Variants in ITSN2 observed in about 807,000 individuals in gnomAD.
ITSN2 encodes intersectin-2.
ITSN2 carries 156 observed loss-of-function variants against 243.7 expected under a neutral mutation model. That is an observed-to-expected ratio of 0.64 (90% CI 0.56 to 0.73). The LOEUF is 0.73. ITSN2 is among the 30% of genes least tolerant of loss of function. The pLI, the probability that ITSN2 is intolerant of heterozygous loss-of-function variation, is 0.00. For missense variants in ITSN2, 1,801 were observed against 1,996.1 expected (o/e 0.90, Z 1.86); for synonymous variants, 703 against 699.9 (o/e 1.00, Z -0.07).
In ITSN2 at chr2:24,220,858, C is replaced by T. The variant is rs200768931; in HGVS notation, c.3699+87G>A. ...AAAGTGATGCCTTGCTTTGACTCTG[C>T]GTGGAGGCAGCCCTGAGTCTGATGC... is the stretch of plus-strand genomic sequence containing the variant. On this transcript the variant is annotated intron_variant, in intron 30 of 39. Transcript: ENST00000355123. The T allele has an allele frequency of 3.5e-4, 514 of 1,488,256 alleles. 7 individuals carry two copies. In the South Asian group the frequency reaches 6.5e-3, roughly 19 times the overall value. 92.2% of individuals were successfully genotyped at this position (1,488,256 alleles called of 1,614,324 possible).
In ITSN2 at chr2:24,212,732, G is replaced by T; in HGVS notation, c.4007C>A (p.Pro1336Gln). 6.8e-6 allele frequency: 11 copies of T among 1,614,108 alleles called. No homozygotes were observed. Among genetic ancestry groups the T allele is most frequent in the Non-Finnish European group, 8.5e-6 (10 of 1,179,972 alleles). Reference sequence around the variant, plus strand: ...GGAGAGGGGCATTCCTTTACACCGCGGGTCAGATGCCAGCTTCTGCAAAAC... The same window carrying T: ...GGAGAGGGGCATTCCTTTACACCGCTGGTCAGATGCCAGCTTCTGCAAAAC... ...KEFLKKLASD[P>Q]RCKGMPLSSF... The change falls in exon 33 of 40, where the codon CCG becomes CAG. Residue 1336 changes from proline (P) to glutamine (Q), a missense_variant. By Grantham distance (76) the Pro-to-Gln change is moderately conservative. Around this residue, in one of 5 missense-constraint regions of ITSN2, gnomAD observed 928 missense variants for 1,065.4 expected, o/e 0.87. Transcript: ENST00000355123.
At chr2:24,280,363 C>T (rs922452116) in intron 17 of ITSN2, among the ~76,000 whole-genome samples, 3 of 152,100 alleles carry the variant, frequency 2.0e-5, no homozygotes, top group Non-Finnish European at 4.4e-5. Flanking sequence ...CCTTTCTTCT[C>T]ATTCCTTATC....
chr2:24,350,283 T>C (rs190737452), intron 1 of ITSN2, among the ~76,000 whole-genome samples: 2 of 152,230 alleles, frequency 1.3e-5, no homozygotes, highest in African/African-American at 2.4e-5. Flanking sequence ...AGCCAATAAT[T>C]TTCAACAATT....
chr2:24,269,118 C>T lies in ITSN2; in HGVS notation c.2355+1553G>A, dbSNP rs534546002. On this transcript the variant is annotated intron_variant, in intron 20 of 39. Transcript: ENST00000355123. ...TAAGGCTCCACTTCCTCTAATAATTCCTTCAGTGTCCATGTTTCTCAGGAA... is the reference window on the plus strand; with the variant it reads ...TAAGGCTCCACTTCCTCTAATAATTTCTTCAGTGTCCATGTTTCTCAGGAA... Among the ~76,000 whole-genome samples, 6 of 151,506 alleles carry T rather than the reference C, an allele frequency of 4.0e-5. No individual in the cohort carries two copies. The South Asian group carries it at 8.3e-4, about 21-fold the overall frequency.
intron 19 of ITSN2, among the ~76,000 whole-genome samples, chr2:24,271,207 C>T (rs976852080): frequency 6.6e-5 from 10 of 152,228 alleles, no homozygotes; most frequent in African/African-American, 2.4e-4. Flanking sequence ...AAAATCTATA[C>T]ATCTATCAGA....
Position 24,252,172 on chromosome 2 carries a change from G to A in ITSN2, c.3120+173C>T, listed in dbSNP as rs147875537. Among the ~76,000 whole-genome samples the A allele has an allele frequency of 1.7e-3, 258 of 152,148 alleles. 3 individuals carry two copies. Among genetic ancestry groups the A allele is most frequent in the African/African-American group, 4.5e-3 (187 of 41,498 alleles). Reference sequence around the variant, plus strand: ...GCCATATAATAAACCCTATTTTACCGGAGCTACTGTGAACAGTTTCTTTGT... The same window carrying A: ...GCCATATAATAAACCCTATTTTACCAGAGCTACTGTGAACAGTTTCTTTGT... On this transcript the variant is annotated intron_variant, in intron 25 of 39. Transcript: ENST00000355123.
intron 29 of ITSN2, among the ~76,000 whole-genome samples, chr2:24,234,175 T>G (rs966592382): frequency 3.3e-5 from 5 of 151,222 alleles, no homozygotes; most frequent in Admixed American, 2.0e-4. Context: ...TAGACCCATA[T>G]AAATAGAGTC....
chr2:24,321,260 C>T (rs1018762181), intron 2 of ITSN2, among the ~76,000 whole-genome samples: 4 of 152,170 alleles, frequency 2.6e-5, no homozygotes, highest in African/African-American at 9.7e-5. Flanking sequence ...ACCATCTATA[C>T]TTCTGACTAC....
At chr2:24,218,220 A>G (rs1670147208) in intron 30 of ITSN2, among the ~76,000 whole-genome samples, 1 of 152,238 alleles carries the variant, frequency 6.6e-6, no homozygotes, top group African/African-American at 2.4e-5. Flanking sequence ...AGCTCTTATC[A>G]AGGCTAGTTC....
intron 19 of ITSN2, 115 bp downstream of exon 19, chr2:24,271,651 T>C: frequency 1.5e-6 from 2 of 1,326,668 alleles, no homozygotes; most frequent in Non-Finnish European, 9.8e-7. Context: ...TAAAAAGGTT[T>C]TTTCTGACTC....
chr2:24,359,118 TGTCA>T (rs779590774), intron 1 of ITSN2, among the ~76,000 whole-genome samples: 9 of 152,220 alleles, frequency 5.9e-5, no homozygotes, highest in Non-Finnish European at 1.3e-4. Flanking sequence ...ACATCAGAGT[TGTCA>T]GTATCTTTAA....
intron 1 of ITSN2, among the ~76,000 whole-genome samples, chr2:24,357,481 G>A (rs993290201): frequency 6.6e-5 from 10 of 152,104 alleles, no homozygotes; most frequent in Non-Finnish European, 1.5e-4. Flanking sequence ...TTGTGGGGGG[G>A]CAATGAGGGA....
chr2:24,214,904 C>CA (rs918666177), intron 32 of ITSN2, among the ~76,000 whole-genome samples: 6 of 151,736 alleles, frequency 4.0e-5, no homozygotes, highest in African/African-American at 1.5e-4. Flanking sequence ...ATTTCATGAA[C>CA]AAAAAAACCC....
intron 1 of ITSN2, among the ~76,000 whole-genome samples, chr2:24,359,455 AT>A (rs1688748039): frequency 6.6e-6 from 1 of 152,234 alleles, no homozygotes; most frequent in Non-Finnish European, 1.5e-5. Context: ...CCATCAAAAA[AT>A]ATTCCTATTT....
intron 18 of ITSN2, chr2:24,273,592 T>C (rs1432175864): frequency 2.6e-5 from 4 of 152,216 alleles, no homozygotes; most frequent in Non-Finnish European, 5.9e-5. Context: ...CAACTCCTCC[T>C]GCCAGGTAAT....
intron 17 of ITSN2, among the ~76,000 whole-genome samples, chr2:24,281,490 CCTCT>C (rs773894545): frequency 1.1e-4 from 17 of 152,072 alleles, no homozygotes; most frequent in Admixed American, 7.9e-4. Context: ...CTCTTCTGTC[CCTCT>C]CTCTTTGTGC....
rs1271701310 is a variant in ITSN2, at chr2:24,313,408, C to CA, written c.188+51dup. 10 of 1,492,592 alleles carry CA rather than the reference C, an allele frequency of 6.7e-6. No individual in the cohort carries two copies. In the East Asian group the frequency reaches 1.4e-4, roughly 20 times the overall value. The allele number at this position is 1,492,592 out of a possible 1,614,324, so 92.5% of individuals were successfully genotyped here. The stretch of plus-strand genomic sequence containing the variant: ...ACAATTTTATGTTAACACTATATTA[C>CA]AAAAAAACAAAATACTATCAGAAAA... On this transcript the variant is annotated intron_variant, in intron 4 of 39. Coordinates refer to ENST00000355123, the MANE Select transcript of ITSN2 (RefSeq NM_006277.3).
At position 24,212,720 on chromosome 2, in the gene ITSN2, C is replaced by A. The variant is rs1312184484; in HGVS notation, c.4019G>T (p.Gly1340Val). The change falls in exon 33 of 40, where the codon GGA (glycine) becomes GTA (valine). Residue 1340 changes from glycine to valine, a missense_variant. By Grantham distance (109) the Gly-to-Val change is moderately radical (BLOSUM62 -3). Coordinates refer to ENST00000355123, the MANE Select transcript of ITSN2 (RefSeq NM_006277.3). The part of the protein sequence containing the change: ...KKLASDPRCK[G>V]MPLSSFLLKP... The stretch of plus-strand genomic sequence containing the variant: ...CAGCAGGAAGCTGGAGAGGGGCATT[C>A]CTTTACACCGCGGGTCAGATGCCAG... The A allele has an allele frequency of 1.2e-6, 2 of 1,614,096 alleles. No individual in the cohort carries two copies. Among genetic ancestry groups the A allele is most frequent in the Non-Finnish European group, 1.7e-6 (2 of 1,180,000 alleles).
At chr2:24,275,435 C>A (rs1677889883) in intron 18 of ITSN2, among the ~76,000 whole-genome samples, 1 of 133,770 alleles carries the variant, frequency 7.5e-6, no homozygotes, top group African/African-American at 3.0e-5. Flanking sequence ...AACTGAGGTT[C>A]AGAAAGATAA....
Sources: allele counts gnomAD v4.1 joint callset (sites outside exome capture counted in the v4.1 genomes callset), GRCh38; gene constraint gnomAD v4.1.1; regional missense constraint gnomAD v4.1.1; transcripts MANE v1.5; gene names NCBI Gene and HGNC (gene_info 2026-07-23, HGNC 2026-07-21).